The following ASXL2 variants were observed in gnomAD, a reference collection of about 807,000 sequenced individuals.
ASXL2 encodes the protein putative Polycomb group protein ASXL2.
Under a neutral mutation model 122.0 loss-of-function variants are expected in ASXL2, and 23 were observed. The ratio of observed to expected loss-of-function variants is 0.19; its 90% CI spans 0.14 to 0.27. The LOEUF (loss-of-function observed/expected upper bound fraction) is 0.27. ASXL2 is among the 10% of genes least tolerant of loss of function. The probability of loss-of-function intolerance (pLI) is 1.00; values close to 1 mark genes in which losing one functional copy is unlikely to be tolerated. For synonymous variants in ASXL2, 650 were observed against 637.0 expected, an observed-to-expected ratio of 1.02 and a Z score of -0.31; for missense variants, 1,518 against 1,713.8, an observed-to-expected ratio of 0.89 and a Z score of 2.02.
intron 1 of ASXL2, among the ~76,000 whole-genome samples, chr2:25,872,470 T>C (rs1009301549): frequency 1.2e-4 from 18 of 151,488 alleles, no homozygotes; most frequent in African/African-American, 4.4e-4. Flanking sequence ...AGTCTAAGAG[T>C]AAAATTGTAA....
chr2:25,839,614 C>CTTT (rs35346359), intron 2 of ASXL2, among the ~76,000 whole-genome samples: 17 of 106,938 alleles, frequency 1.6e-4, no homozygotes, highest in East Asian at 2.4e-4. Flanking sequence ...GAAATTCTAT[C>CTTT]TTTTTTTTTT....
intron 3 of ASXL2, among the ~76,000 whole-genome samples, chr2:25,833,464 G>A (rs1344094804): frequency 6.6e-6 from 1 of 152,138 alleles, no homozygotes; most frequent in Admixed American, 6.5e-5. Context: ...GAAGGCTGAG[G>A]TGGGCAGATC....
intron 5 of ASXL2, among the ~76,000 whole-genome samples, chr2:25,783,415 AAG>A (rs1485934918): frequency 6.6e-6 from 1 of 151,840 alleles, no homozygotes; most frequent in Non-Finnish European, 1.5e-5. Flanking sequence ...AAAAAAAAAA[AAG>A]GAGGTTAACA....
chr2:25,829,424 T>C (rs966283022), intron 3 of ASXL2, among the ~76,000 whole-genome samples: 2 of 152,116 alleles, frequency 1.3e-5, no homozygotes, highest in African/African-American at 4.8e-5. Flanking sequence ...AGAGAGAGAA[T>C]AAAAATCAAC....
intron 1 of ASXL2, among the ~76,000 whole-genome samples, chr2:25,853,333 G>A (rs2089740191): frequency 6.6e-6 from 1 of 152,162 alleles, no homozygotes; most frequent in African/African-American, 2.4e-5. Context: ...GCCTTTGGAG[G>A]AAAGAGGGAA....
chr2:25,739,920 T>TAGG lies in ASXL2; in HGVS notation c.*2106_*2108dup. The TAGG allele has an allele frequency of 4.6e-6, 1 of 217,610 alleles. No homozygotes were observed. The highest frequency in any genetic ancestry group is 1.8e-4 in the South Asian group (1 of 5,408). 13.5% of individuals were successfully genotyped at this position (217,610 alleles called of 1,614,324 possible). ...CTGGCACTAAGGTGGAGTTAAGGGG[T>TAGG]AGGGCAGGGAGAGTTCTATGCAGCA... On this transcript the variant is annotated 3_prime_UTR_variant, in exon 13 of 13. Coordinates refer to ENST00000435504, the MANE Select transcript of ASXL2 (RefSeq NM_018263.6).
intron 4 of ASXL2, among the ~76,000 whole-genome samples, chr2:25,803,947 G>A (rs142072302): frequency 2.4e-3 from 367 of 152,178 alleles, no homozygotes; most frequent in Admixed American, 4.3e-3. Context: ...TAGAAGTATT[G>A]TACTTAACGG....
intron 2 of ASXL2, among the ~76,000 whole-genome samples, chr2:25,844,610 A>C (rs566461517): frequency 1.3e-5 from 2 of 151,820 alleles, no homozygotes; most frequent in African/African-American, 2.4e-5. Context: ...CAAAACAAAA[A>C]AAAACACACA....
chr2:25,856,262 G>A (rs923472135), intron 1 of ASXL2, among the ~76,000 whole-genome samples: 2 of 151,350 alleles, frequency 1.3e-5, no homozygotes, highest in Admixed American at 6.6e-5. Context: ...TCACCATGTC[G>A]GCCAGGCTGG....
chr2:25,810,191 C>T, intron 3 of ASXL2: 4 of 581,858 alleles, frequency 6.9e-6, no homozygotes, highest in South Asian at 5.5e-5. Flanking sequence ...GTCTCATCTG[C>T]TCATCCATCT....
rs770969396 is a variant in ASXL2 at position 25,744,106 on chromosome 2, A to G, written c.2231T>C (p.Leu744Ser). The part of the protein sequence containing the change: ...TGSRGGTREL[L>S]PCGPETQPQS... Reference sequence around the variant, plus strand: ...GGGCTGAGTCTCTGGACCACAGGGTAAAAGCTCTCTCGTACCTCCCCTGCT... The same window carrying G: ...GGGCTGAGTCTCTGGACCACAGGGTGAAAGCTCTCTCGTACCTCCCCTGCT... The change falls in exon 13 of 13, where the codon TTA becomes TCA. Residue 744 changes from leucine (L) to serine (S), a missense_variant. This residue lies in a region of ASXL2 where 831 missense variants were observed against 833.1 expected (regional missense o/e 1.00). Coordinates refer to ENST00000435504, the MANE Select transcript of ASXL2 (RefSeq NM_018263.6). The surrounding 1 kb of genome is among the most constrained non-coding windows in gnomAD (Gnocchi z 4.7). The G allele has an allele frequency of 4.3e-6, 7 of 1,613,930 alleles. No homozygotes were observed. The South Asian group carries it at 5.5e-5, about 13-fold the overall frequency.
In ASXL2 at chr2:25,878,232, T is replaced by TGA; in HGVS notation, c.-12_-11dup. On this transcript the variant is annotated 5_prime_UTR_variant, in exon 1 of 13. Coordinates refer to ENST00000435504, the MANE Select transcript of ASXL2 (RefSeq NM_018263.6). ...GTCCCTTTTCCCTCATGTCGGGTCTTGAACTGACTGGGAGGCTCCCGTGTC... is the reference window on the plus strand; with the variant it reads ...GTCCCTTTTCCCTCATGTCGGGTCTTGAGAACTGACTGGGAGGCTCCCGTGTC... 1 of 1,613,732 alleles carries TGA rather than the reference T, an allele frequency of 6.2e-7. No individual in the cohort carries two copies.
chr2:25,834,981 C>A (rs551771392), intron 3 of ASXL2, among the ~76,000 whole-genome samples: 24 of 152,182 alleles, frequency 1.6e-4, no homozygotes, highest in African/African-American at 5.5e-4. Context: ...GGCCACCACA[C>A]CCAGCTAATT....
At position 25,826,762 on chromosome 2, in the gene ASXL2, T is replaced by TAAAAAAAAAAA. The variant is rs55765302; in HGVS notation, c.143+8765_143+8775dup. On this transcript the variant is annotated intron_variant, in intron 3 of 12. Coordinates refer to ENST00000435504, the MANE Select transcript of ASXL2 (RefSeq NM_018263.6). ...AGGATTAAATAATAGACTTTCAAGG[T>TAAAAAAAAAAA]AAAAAAAAAAAAAAAAAAAAAAAAA... Among the ~76,000 whole-genome samples the TAAAAAAAAAAA allele has an allele frequency of 1.2e-4, 8 of 68,074 alleles. 1 individual carries two copies. Among genetic ancestry groups the TAAAAAAAAAAA allele is most frequent in the Non-Finnish European group, 1.6e-4 (6 of 38,546 alleles). 44.7% of individuals were successfully genotyped at this position (68,074 alleles called of 152,430 possible). A position where few individuals can be genotyped will look rare whatever the true frequency, so the allele number is the denominator to read the frequency against.
In ASXL2 at chr2:25,742,873, G is replaced by A. The variant is rs752000777; in HGVS notation, c.3464C>T (p.Pro1155Leu). 3 of 1,613,832 alleles carry A rather than the reference G, an allele frequency of 1.9e-6. No homozygotes were observed. The highest frequency in any genetic ancestry group is 1.3e-5 in the African/African-American group (1 of 74,904). Residue 1155 changes from proline to leucine, a missense_variant, in exon 13 of 13, where the codon CCC becomes CTC. Coordinates refer to ENST00000435504, the MANE Select transcript of ASXL2 (RefSeq NM_018263.6). Reference protein sequence around the residue: ...NPEDRFCLSSPTEALKMGYTD... With the variant: ...NPEDRFCLSSLTEALKMGYTD... ...ATATCCCATTTTCAAGGCTTCAGTG[G>A]GGCTGCTTAGACAAAAACGATCTTC...
chr2:25,830,574 C>T (rs1166768530), intron 3 of ASXL2, among the ~76,000 whole-genome samples: 4 of 149,508 alleles, frequency 2.7e-5, no homozygotes, highest in Non-Finnish European at 4.4e-5. Flanking sequence ...TGCAGTGAGC[C>T]GAGATCGCAT....
At chr2:25,760,633 G>A (rs1231289199) in intron 8 of ASXL2, among the ~76,000 whole-genome samples, 1 of 152,136 alleles carries the variant, frequency 6.6e-6, no homozygotes, top group Non-Finnish European at 1.5e-5. Context: ...TCTTTGATGT[G>A]GGTACACCCT....
intron 3 of ASXL2, among the ~76,000 whole-genome samples, chr2:25,816,150 A>T (rs2089230958): frequency 6.6e-6 from 1 of 151,996 alleles, no homozygotes; most frequent in African/African-American, 2.4e-5. Context: ...TTGGAAGACC[A>T]AGGTGAGCTG....
chr2:25,765,587 T>A (rs1358252641), intron 8 of ASXL2, among the ~76,000 whole-genome samples: 1 of 152,256 alleles, frequency 6.6e-6, no homozygotes, highest in Non-Finnish European at 1.5e-5. Flanking sequence ...GGACTTCTGC[T>A]TACTTCTCAG....
Sources: gnomAD v4.1 joint callset for allele counts (sites outside exome capture counted in the v4.1 genomes callset) on GRCh38, gnomAD v4.1.1 for gene constraint, gnomAD v4.1.1 regional missense constraint, Gnocchi (gnomAD v3.1) non-coding constraint, MANE v1.5 for transcripts, NCBI Gene and HGNC (gene_info 2026-07-23, HGNC 2026-07-21) for gene names.